The following BAIAP2 variants were observed in gnomAD, a reference collection of about 807,000 sequenced individuals.
BAIAP2 encodes BAR/IMD domain-containing adapter protein 2.
Under a neutral mutation model 63.0 loss-of-function variants are expected in BAIAP2, and 18 were observed. The ratio of observed to expected loss-of-function variants is 0.29; its 90% CI spans 0.20 to 0.42. The LOEUF (loss-of-function observed/expected upper bound fraction) is 0.42, where lower values mean the gene tolerates loss of function less well. Ranked by LOEUF, BAIAP2 falls within the 10% of genes least tolerant of loss-of-function variation. BAIAP2 has a pLI of 1.00. For synonymous variants in BAIAP2, 386 were observed against 307.6 expected, an observed-to-expected ratio of 1.25 and a Z score of -2.67; for missense variants, 610 against 734.3, an observed-to-expected ratio of 0.83 and a Z score of 1.96.
intron 1 of BAIAP2, among the ~76,000 whole-genome samples, chr17:81,050,151 C>A (rs934775455): frequency 6.6e-6 from 1 of 152,188 alleles, no homozygotes; most frequent in African/African-American, 2.4e-5. Flanking sequence ...TCTCTGCTGG[C>A]CCAGCGGCTG....
chr17:81,035,214 G>C lies in BAIAP2; in HGVS notation c.-41G>C. On this transcript the variant is annotated 5_prime_UTR_variant, in exon 1 of 14. Transcript: ENST00000428708. ...TACCGCCGCTGCTGCCGCCGCTTGCGTCCCCCGCTCCGGTCTGTGGTGCAG... is the reference window on the plus strand; with the variant it reads ...TACCGCCGCTGCTGCCGCCGCTTGCCTCCCCCGCTCCGGTCTGTGGTGCAG... The C allele has an allele frequency of 6.9e-7, 1 of 1,455,294 alleles. No homozygotes were observed. The highest frequency in any genetic ancestry group is 9.2e-7 in the Non-Finnish European group (1 of 1,092,442). The allele number at this position is 1,455,294 out of a possible 1,614,324, so 90.1% of individuals were successfully genotyped here.
At chr17:81,040,411 G>A (rs1156338107) in intron 1 of BAIAP2, among the ~76,000 whole-genome samples, 2 of 152,214 alleles carry the variant, frequency 1.3e-5, no homozygotes, top group African/African-American at 4.8e-5. Flanking sequence ...TCCCCCGAGC[G>A]CTGATTCATT....
At chr17:81,073,501 G>A (rs1338770047) in intron 3 of BAIAP2, among the ~76,000 whole-genome samples, 1 of 152,168 alleles carries the variant, frequency 6.6e-6, no homozygotes, top group Non-Finnish European at 1.5e-5. Context: ...AAATCATCAT[G>A]AAATGCTGTT....
intron 5 of BAIAP2, 115 bp downstream of exon 5, chr17:81,085,840 A>G (rs1276253405): frequency 1.3e-5 from 10 of 781,654 alleles, no homozygotes; most frequent in African/African-American, 3.4e-5. Flanking sequence ...CTCCCCGTCC[A>G]CATGGGCCCC....
chr17:81,088,903 C>T (rs967417965), intron 6 of BAIAP2, among the ~76,000 whole-genome samples: 2 of 152,220 alleles, frequency 1.3e-5, no homozygotes, highest in African/African-American at 4.8e-5. Flanking sequence ...AGCCACTCCC[C>T]CTCCCTCCTG....
intron 13 of BAIAP2, chr17:81,111,059 T>C: frequency 7.0e-7 from 1 of 1,437,382 alleles, no homozygotes; most frequent in Non-Finnish European, 9.7e-7. Flanking sequence ...AGGGCCCGGC[T>C]GCATGGCGGG....
At chr17:81,111,025 C>T in intron 13 of BAIAP2, 3 of 1,590,292 alleles carry the variant, frequency 1.9e-6, no homozygotes, top group South Asian at 1.1e-5. Context: ...GCCCTCTGGC[C>T]TCAGTCACGC....
chr17:81,068,231 G>A (rs994842519), intron 3 of BAIAP2, among the ~76,000 whole-genome samples: 1 of 152,236 alleles, frequency 6.6e-6, no homozygotes, highest in Non-Finnish European at 1.5e-5. Context: ...TTTGGAGCGA[G>A]TCAGTGGCTG....
chr17:81,056,073 A>G (rs1408538145), intron 2 of BAIAP2, among the ~76,000 whole-genome samples: 3 of 152,174 alleles, frequency 2.0e-5, no homozygotes, highest in Non-Finnish European at 4.4e-5. Flanking sequence ...TGGGGGTCCC[A>G]GGGAGAGCTG....
At position 81,040,719 on chromosome 17, in the gene BAIAP2, C is replaced by T. The variant is rs563500095; in HGVS notation, c.54+5411C>T. ...GTGGCCTGGGCCCTCTGAGAGCTCC[C>T]TGGAGGTGGTGGCAGCTCACACCAC... On this transcript the variant is annotated intron_variant, in intron 1 of 13. Coordinates refer to ENST00000428708, the MANE Select transcript of BAIAP2 (RefSeq NM_001144888.2). 8.5e-5 allele frequency among the ~76,000 whole-genome samples: 13 copies of T among 152,360 alleles called. No individual in the cohort carries two copies. In the East Asian group the frequency reaches 2.5e-3, roughly 29 times the overall value.
chr17:81,115,484 C>CACCCT (rs1555686450), intron 13 of BAIAP2, among the ~76,000 whole-genome samples: 10 of 145,752 alleles, frequency 6.9e-5, no homozygotes, highest in African/African-American at 2.4e-4. Flanking sequence ...CGCCCCACCC[C>CACCCT]GCCCTGCCCT....
intron 3 of BAIAP2, among the ~76,000 whole-genome samples, chr17:81,069,497 C>A (rs1434922889): frequency 6.6e-6 from 1 of 152,194 alleles, no homozygotes; most frequent in Non-Finnish European, 1.5e-5. Flanking sequence ...TCTCGGCGGC[C>A]CCCGCTCATG....
intron 13 of BAIAP2, chr17:81,110,581 C>T: frequency 8.3e-7 from 1 of 1,199,116 alleles, no homozygotes. Flanking sequence ...CGCCTTGTGC[C>T]CACCTCTGCC....
chr17:81,055,002 G>A (rs1329899309), intron 2 of BAIAP2, among the ~76,000 whole-genome samples: 1 of 152,166 alleles, frequency 6.6e-6, no homozygotes, highest in Non-Finnish European at 1.5e-5. Flanking sequence ...CATCTTCATG[G>A]GCAGAGTCCA....
chr17:81,077,921 C>A (rs2053941051), intron 3 of BAIAP2, among the ~76,000 whole-genome samples: 1 of 147,040 alleles, frequency 6.8e-6, no homozygotes, highest in African/African-American at 2.5e-5. Context: ...CAGGTGCCAT[C>A]TCGGAGCTGG....
intron 3 of BAIAP2, among the ~76,000 whole-genome samples, chr17:81,082,393 G>A (rs886823511): frequency 1.3e-5 from 2 of 152,168 alleles, no homozygotes; most frequent in African/African-American, 4.8e-5. Flanking sequence ...CGGTGGCCAG[G>A]CCCAGGCATG....
At chr17:81,087,322 C>A (rs2055854510) in intron 6 of BAIAP2, among the ~76,000 whole-genome samples, 1 of 152,226 alleles carries the variant, frequency 6.6e-6, no homozygotes, top group African/African-American at 2.4e-5. Flanking sequence ...AGGCCGCACC[C>A]TTCCTGCTGG....
At position 81,057,985 on chromosome 17, in the gene BAIAP2, C is replaced by CCCCCG; in HGVS notation, c.217+21_217+25dup. 1.6e-6 allele frequency: 2 copies of CCCCCG among 1,216,954 alleles called. No homozygotes were observed. The highest frequency in any genetic ancestry group is 2.2e-6 in the Non-Finnish European group (2 of 922,478). The allele number at this position is 1,216,954 out of a possible 1,614,324, so 75.4% of individuals were successfully genotyped here. A position where few individuals can be genotyped will look rare whatever the true frequency, so the allele number is the denominator to read the frequency against. ...AGAACTCGGTGAGACCCCCCCCCCC[C>CCCCCG]CCCCGCCTGGTAGTCGCCTGATGCC... is the stretch of plus-strand genomic sequence containing the variant. On this transcript the variant is annotated intron_variant, in intron 3 of 13. Coordinates refer to ENST00000428708, the MANE Select transcript of BAIAP2 (RefSeq NM_001144888.2).
chr17:81,058,632 C>G (rs1249632427), intron 3 of BAIAP2, among the ~76,000 whole-genome samples: 1 of 152,230 alleles, frequency 6.6e-6, no homozygotes, highest in African/African-American at 2.4e-5. Flanking sequence ...ACTTGCTGCT[C>G]CCAGAGCGAG....
Sources: gnomAD v4.1 joint callset for allele counts (sites outside exome capture counted in the v4.1 genomes callset) on GRCh38, gnomAD v4.1.1 for gene constraint, MANE v1.5 for transcripts, NCBI Gene and HGNC (gene_info 2026-07-23, HGNC 2026-07-21) for gene names.